The following PLCH1 variants were observed in gnomAD, a reference collection of about 807,000 sequenced individuals.
PLCH1 encodes phospholipase C eta 1.
Under a neutral mutation model 126.7 loss-of-function variants are expected in PLCH1, and 60 were observed. The ratio of observed to expected loss-of-function variants is 0.47; its 90% CI spans 0.38 to 0.59. The LOEUF (loss-of-function observed/expected upper bound fraction) is 0.59. Ranked by LOEUF, PLCH1 falls within the 20% of genes least tolerant of loss-of-function variation. PLCH1 has a pLI of 0.00. For synonymous variants in PLCH1, 719 were observed against 734.9 expected (o/e 0.98, Z 0.35); for missense variants, 1,723 against 2,040.0 (o/e 0.84, Z 2.99).
chr3:155,727,828 T>C (rs534973723), intron 1 of PLCH1, among the ~76,000 whole-genome samples: 1 of 152,306 alleles, frequency 6.6e-6, no homozygotes, highest in East Asian at 1.9e-4. Flanking sequence ...GCACCTGCTC[T>C]ACACCAGTGA....
chr3:155,594,967 G>T lies in PLCH1; in HGVS notation c.227-783C>A, dbSNP rs551820615. Among the ~76,000 whole-genome samples the T allele has an allele frequency of 2.0e-5, 3 of 152,344 alleles. No homozygotes were observed. In the East Asian group the frequency reaches 5.8e-4, roughly 29 times the overall value. ...TCAAATAGCTGAGCTACATGGAACTGGCATTCCTAGAGAAAATGCCATAGG... is the reference window on the plus strand; with the variant it reads ...TCAAATAGCTGAGCTACATGGAACTTGCATTCCTAGAGAAAATGCCATAGG... On this transcript the variant is annotated intron_variant, in intron 3 of 22. Transcript: ENST00000460012.
chr3:155,578,111 G>C (rs577418196), intron 6 of PLCH1, among the ~76,000 whole-genome samples: 2 of 152,286 alleles, frequency 1.3e-5, no homozygotes, highest in African/African-American at 4.8e-5. Flanking sequence ...TACACTATGA[G>C]AGTTCTGCAA....
intron 10 of PLCH1, among the ~76,000 whole-genome samples, chr3:155,537,572 CA>C (rs1180944936): frequency 1.3e-5 from 2 of 151,718 alleles, no homozygotes; most frequent in South Asian, 2.1e-4. Context: ...TGCAAATGGA[CA>C]AAAAAAGTGG....
At chr3:155,565,145 A>G in intron 7 of PLCH1, 27 bp from the exon 8 acceptor site, 3 of 1,517,060 alleles carry the variant, frequency 2.0e-6, no homozygotes, top group Non-Finnish European at 2.7e-6. Context: ...GTGACTTACT[A>G]CAGCTTTCAA....
intron 2 of PLCH1, among the ~76,000 whole-genome samples, chr3:155,665,323 G>A (rs573852428): frequency 6.6e-6 from 1 of 152,168 alleles, no homozygotes; most frequent in Admixed American, 6.5e-5. Flanking sequence ...AGCTAATAGA[G>A]CCTGTGCCCA....
intron 2 of PLCH1, among the ~76,000 whole-genome samples, chr3:155,663,887 T>G (rs989158505): frequency 1.1e-4 from 16 of 152,180 alleles, no homozygotes. Flanking sequence ...TAGGCTATTA[T>G]GTCTTCAAAC....
rs1713893303 is a variant in PLCH1, at chr3:155,480,831, A to G, written c.*137T>C. ...ACAAACGCATTAACAGGGAGAACACATGAAGTCAAAGGGAGACCCAAATAC... is the reference window on the plus strand; with the variant it reads ...ACAAACGCATTAACAGGGAGAACACGTGAAGTCAAAGGGAGACCCAAATAC... On this transcript the variant is annotated 3_prime_UTR_variant, in exon 23 of 23. Transcript: ENST00000460012. The G allele has an allele frequency of 7.0e-6, 5 of 713,308 alleles. No homozygotes were observed. In the East Asian group the frequency reaches 1.2e-4, roughly 18 times the overall value. 44.2% of individuals were successfully genotyped at this position (713,308 alleles called of 1,614,324 possible).
At chr3:155,632,546 A>G (rs944632945) in intron 2 of PLCH1, among the ~76,000 whole-genome samples, 12 of 152,208 alleles carry the variant, frequency 7.9e-5, no homozygotes, top group Non-Finnish European at 1.8e-4. Flanking sequence ...GACTAGGCCT[A>G]TGTCAATTTA....
chr3:155,480,880 T>G lies in PLCH1; in HGVS notation c.*88A>C. 1 of 1,133,664 alleles carries G rather than the reference T, an allele frequency of 8.8e-7. No individual in the cohort carries two copies. Among genetic ancestry groups the G allele is most frequent in the African/African-American group, 1.5e-5 (1 of 64,694 alleles). 70.2% of individuals were successfully genotyped at this position (1,133,664 alleles called of 1,614,324 possible). A position where few individuals can be genotyped will look rare whatever the true frequency, so the allele number is the denominator to read the frequency against. On this transcript the variant is annotated 3_prime_UTR_variant, in exon 23 of 23. Coordinates refer to ENST00000460012, the MANE Select transcript of PLCH1 (RefSeq NM_014996.4). ...ACAAGTTTAAAAATACATTTGAAAA[T>G]CATTCCAAAGCCAAGGAACTTATTT...
At position 155,693,444 on chromosome 3, in the gene PLCH1, C is replaced by CCTGGGCGACAGA. The variant is rs1432584235; in HGVS notation, c.79+10690_79+10701dup. On this transcript the variant is annotated intron_variant, in intron 2 of 22. Transcript: ENST00000460012. ...TGCGCCACTGCAGTCCGCAGTCCGACCTGGGCGACAGAGCGAGACTCCGTC... is the reference window on the plus strand; with the variant it reads ...TGCGCCACTGCAGTCCGCAGTCCGACCTGGGCGACAGACTGGGCGACAGAGCGAGACTCCGTC... Among the ~76,000 whole-genome samples, 187 of 29,846 alleles carry CCTGGGCGACAGA rather than the reference C, an allele frequency of 6.3e-3. 23 individuals are homozygous for CCTGGGCGACAGA. Among genetic ancestry groups the CCTGGGCGACAGA allele is most frequent in the Middle Eastern group, 0.033 (2 of 60 alleles). 19.6% of individuals were successfully genotyped at this position (29,846 alleles called of 152,430 possible).
intron 10 of PLCH1, among the ~76,000 whole-genome samples, chr3:155,535,655 C>T (rs1275772327): frequency 2.6e-5 from 4 of 152,202 alleles, no homozygotes; most frequent in African/African-American, 7.2e-5. Flanking sequence ...TGAGCTTAGA[C>T]ACGCCTGACC....
At position 155,483,052 on chromosome 3, in the gene PLCH1, C is replaced by A. The variant is rs1714438161; in HGVS notation, c.2975-1G>T. On this transcript the variant is annotated splice_acceptor_variant, in intron 22 of 22. Coordinates refer to ENST00000460012, the MANE Select transcript of PLCH1 (RefSeq NM_014996.4). LOFTEE classifies it high-confidence loss of function. ...TTTCTTCTGCCATCTTTATCTTCTG[C>A]TGAAGGAGACAAACAATATTTTAGG... 6.2e-7 allele frequency: 1 copy of A among 1,610,558 alleles called. No individual in the cohort carries two copies. The highest frequency in any genetic ancestry group is 1.1e-5 in the South Asian group (1 of 90,794).
At chr3:155,703,603 G>A (rs1487624593) in intron 2 of PLCH1, among the ~76,000 whole-genome samples, 1 of 152,190 alleles carries the variant, frequency 6.6e-6, no homozygotes, top group Non-Finnish European at 1.5e-5. Flanking sequence ...TAACGGTTTA[G>A]TGCTGCAAAC....
In PLCH1 at chr3:155,593,826, G is replaced by C. The variant is rs1732521061; in HGVS notation, c.470+115C>G. On this transcript the variant is annotated intron_variant, in intron 4 of 22. Coordinates refer to ENST00000460012, the MANE Select transcript of PLCH1 (RefSeq NM_014996.4). Reference sequence around the variant, plus strand: ...GAAGACGGTGTGAGGGGTAAAGAAAGAGAAAGGAAAATTATGGGAAAAATT... The same window carrying C: ...GAAGACGGTGTGAGGGGTAAAGAAACAGAAAGGAAAATTATGGGAAAAATT... The C allele has an allele frequency of 2.2e-5, 24 of 1,084,224 alleles. No individual in the cohort carries two copies. In the South Asian group the frequency reaches 4.0e-4, roughly 18 times the overall value. 67.2% of individuals were successfully genotyped at this position (1,084,224 alleles called of 1,614,324 possible).
intron 7 of PLCH1, 74 bp from the exon 8 acceptor site, chr3:155,565,192 G>T: frequency 1.1e-6 from 1 of 940,614 alleles, no homozygotes. Flanking sequence ...GGGGCAAAAG[G>T]GGTCAAAAAA....
chr3:155,606,173 G>GA (rs1465623547), intron 2 of PLCH1, among the ~76,000 whole-genome samples: 1 of 151,850 alleles, frequency 6.6e-6, no homozygotes, highest in African/African-American at 2.4e-5. Context: ...GTTTTTTGAG[G>GA]AAAAAAAGTT....
At chr3:155,534,268 G>A (rs1020541347) in intron 10 of PLCH1, among the ~76,000 whole-genome samples, 2 of 152,212 alleles carry the variant, frequency 1.3e-5, no homozygotes, top group African/African-American at 2.4e-5. Flanking sequence ...CTCACCTCTT[G>A]CATCAGCATG....
In PLCH1 at chr3:155,482,969, G is replaced by A; in HGVS notation, c.3057C>T (p.Ser1019=). 6.2e-7 allele frequency: 1 copy of A among 1,613,806 alleles called. No individual in the cohort carries two copies. The highest frequency in any genetic ancestry group is 8.5e-7 in the Non-Finnish European group (1 of 1,179,722). ...HFLNFNKKLS[S]SSSALLHKDT... ...CTTTGTGGAGCAGAGCACTGGAGGA[G>A]GATGATAACTTTTTGTTGAAATTTA... The change falls in exon 23 of 23, where the codon TCC becomes TCT. Residue 1019 remains serine (S), a synonymous_variant. Transcript: ENST00000460012.
chr3:155,635,685 A>G (rs1738635720), intron 2 of PLCH1, among the ~76,000 whole-genome samples: 1 of 152,192 alleles, frequency 6.6e-6, no homozygotes, highest in Admixed American at 6.5e-5. Flanking sequence ...TTGCAAGTCT[A>G]AGAGCTGCCA....
Sources: allele counts gnomAD v4.1 joint callset (sites outside exome capture counted in the v4.1 genomes callset), GRCh38; gene constraint gnomAD v4.1.1; transcripts MANE v1.5; gene names NCBI Gene and HGNC (gene_info 2026-07-23, HGNC 2026-07-21).